PER2: variants seen among roughly 807,000 people sequenced by gnomAD.
The protein encoded by PER2 is period circadian protein homolog 2.
Under a neutral mutation model 121.0 loss-of-function variants are expected in PER2, and 66 were observed. That is an observed-to-expected ratio of 0.55 (90% CI 0.45 to 0.67). The LOEUF is 0.67. Ranked by LOEUF, PER2 falls within the 30% of genes least tolerant of loss-of-function variation. The pLI is 0.00. For missense variants in PER2, 1,521 were observed against 1,635.0 expected, an observed-to-expected ratio of 0.93 and a Z score of 1.20; for synonymous variants, 684 against 659.9, an observed-to-expected ratio of 1.04 and a Z score of -0.56.
At chr2:238,285,630 T>G (rs1696759236) in intron 1 of PER2, among the ~76,000 whole-genome samples, 1 of 151,882 alleles carries the variant, frequency 6.6e-6, no homozygotes, top group Non-Finnish European at 1.5e-5. Flanking sequence ...CCTCATGAGG[T>G]CACAGCTTGA....
intron 6 of PER2, among the ~76,000 whole-genome samples, chr2:238,269,393 G>T (rs11884951): frequency 0.014 from 1,949 of 135,766 alleles, 75 homozygotes; most frequent in African/African-American, 0.053. Context: ...CACTCACGGT[G>T]CACTGCTGCA....
chr2:238,288,777 G>C (rs565712270), upstream of PER2, among the ~76,000 whole-genome samples: 2 of 151,506 alleles, frequency 1.3e-5, no homozygotes, highest in African/African-American at 4.8e-5. Context: ...CGCCGCGGCC[G>C]AGTCGCCGCT....
chr2:238,248,982 A>G, intron 22 of PER2, 80 bp downstream of exon 22: 2 of 1,459,180 alleles, frequency 1.4e-6, no homozygotes, highest in Non-Finnish European at 9.6e-7. Flanking sequence ...AATTGACAGA[A>G]AAGTTGCAAA....
At chr2:238,251,265 G>A (rs1695589258) in intron 20 of PER2, among the ~76,000 whole-genome samples, 1 of 152,226 alleles carries the variant, frequency 6.6e-6, no homozygotes, top group Admixed American at 6.5e-5. Context: ...GCTTGCAGGT[G>A]CTCCATACCC....
intron 21 of PER2, among the ~76,000 whole-genome samples, chr2:238,249,759 G>A (rs1439299767): frequency 1.3e-5 from 2 of 152,244 alleles, no homozygotes; most frequent in Non-Finnish European, 2.9e-5. Context: ...TGGTGATAGT[G>A]AGTTGTAACG....
intron 5 of PER2, among the ~76,000 whole-genome samples, chr2:238,272,113 T>C (rs867812497): frequency 2.0e-5 from 3 of 152,254 alleles, no homozygotes; most frequent in South Asian, 4.1e-4. Flanking sequence ...CTGCGTTTCA[T>C]GTTTCTTTCC....
At chr2:238,266,110 G>A (rs62194937) in intron 8 of PER2, among the ~76,000 whole-genome samples, 42,142 of 151,624 alleles carry the variant, frequency 0.28, 5,997 homozygotes, top group South Asian at 0.32. Flanking sequence ...TCACCGTGTT[G>A]GCCAGGATGG....
chr2:238,260,508 G>T (rs551319099), intron 13 of PER2, among the ~76,000 whole-genome samples: 1 of 152,088 alleles, frequency 6.6e-6, no homozygotes, highest in Admixed American at 6.5e-5. Context: ...CGCCTGCCTC[G>T]GCCTTCCAAA....
chr2:238,245,060 A>AG lies in PER2; in HGVS notation c.*1314_*1315insC, dbSNP rs1695410211. ...CTCCATCTAAAAAAAAAAAAAAAAA[A>AG]AAAAAAAAAAGAAAACCCTGGTCCC... On this transcript the variant is annotated 3_prime_UTR_variant, in exon 23 of 23. Coordinates refer to ENST00000254657, the MANE Select transcript of PER2 (RefSeq NM_022817.3). The AG allele has an allele frequency of 6.6e-6, 1 of 150,872 alleles. No individual in the cohort carries two copies. The highest frequency in any genetic ancestry group is 1.5e-5 in the Non-Finnish European group (1 of 67,850). 9.3% of individuals were successfully genotyped at this position (150,872 alleles called of 1,614,324 possible).
chr2:238,256,169 T>A (rs925518217), intron 17 of PER2, among the ~76,000 whole-genome samples: 1 of 152,254 alleles, frequency 6.6e-6, no homozygotes, highest in African/African-American at 2.4e-5. Flanking sequence ...GTGGGGAACC[T>A]TGGGCTTCAG....
chr2:238,289,392 C>A (rs947138757), upstream of PER2: 2 of 152,230 alleles, frequency 1.3e-5, no homozygotes, highest in Non-Finnish European at 2.9e-5. Flanking sequence ...CCCACCCGGG[C>A]CTCTGAGGTG....
At chr2:238,286,653 A>C (rs1696797940) in intron 1 of PER2, among the ~76,000 whole-genome samples, 1 of 152,202 alleles carries the variant, frequency 6.6e-6, no homozygotes, top group Non-Finnish European at 1.5e-5. Context: ...TCCCTCTGCC[A>C]AACAGAGTAG....
At chr2:238,264,124 C>T (rs539410075) in intron 9 of PER2, among the ~76,000 whole-genome samples, 5 of 152,296 alleles carry the variant, frequency 3.3e-5, no homozygotes, top group African/African-American at 1.2e-4. Context: ...CAGGCTGTGG[C>T]CCATCATGCC....
Position 238,277,903 on chromosome 2 carries a change from T to C in PER2, c.34A>G (p.Ser12Gly), listed in dbSNP as rs766338346. ...TCCACGGGCTCCTTGGTGGGGTTAC[T>C]GGGGCTGGGCGGAAATTCCGCGTAT... The part of the protein sequence containing the change: ...NGYAEFPPSP[S>G]NPTKEPVEPQ... The change falls in exon 2 of 23, where the codon AGT becomes GGT. Residue 12 changes from serine (S) to glycine (G), a missense_variant. Coordinates refer to ENST00000254657, the MANE Select transcript of PER2 (RefSeq NM_022817.3). The C allele has an allele frequency of 2.5e-6, 4 of 1,613,874 alleles. No homozygotes were observed. The East Asian group carries it at 8.9e-5, about 36-fold the overall frequency.
intron 19 of PER2, among the ~76,000 whole-genome samples, 177 bp from the exon 20 acceptor site, chr2:238,251,938 A>G (rs1406054041): frequency 6.6e-6 from 1 of 152,176 alleles, no homozygotes; most frequent in Non-Finnish European, 1.5e-5. Context: ...CACCAGGCCT[A>G]CGGTGCAAAT....
Position 238,268,151 on chromosome 2 carries a change from A to G in PER2, c.872T>C (p.Met291Thr). The G allele has an allele frequency of 6.2e-7, 1 of 1,614,146 alleles. No individual in the cohort carries two copies. Among genetic ancestry groups the G allele is most frequent in the Non-Finnish European group, 8.5e-7 (1 of 1,180,014 alleles). ...CCGCACCTTGACCAGGTAGGGCGTC[A>G]TGCGGAAGGGGTGGTAGCGGATTTC... is the stretch of plus-strand genomic sequence containing the variant. ...ENEIRYHPFR[M>T]TPYLVKVRDQ... The change falls in exon 8 of 23, where the codon ATG becomes ACG. Residue 291 changes from methionine to threonine, a missense_variant. Met to Thr is a moderately conservative substitution (Grantham distance 81, BLOSUM62 -1). Coordinates refer to ENST00000254657, the MANE Select transcript of PER2 (RefSeq NM_022817.3). This position sits in a 1 kb window ranked among gnomAD's most constrained non-coding sequence, Gnocchi z 4.0.
At chr2:238,270,984 T>C (rs1463916135) in intron 6 of PER2, among the ~76,000 whole-genome samples, 1 of 152,222 alleles carries the variant, frequency 6.6e-6, no homozygotes, top group Admixed American at 6.5e-5. Context: ...CAGGGTGCCT[T>C]GCTCACGCTC....
rs1217364681 is a variant in PER2 at position 238,246,125 on chromosome 2, T to C, written c.*250A>G. The stretch of plus-strand genomic sequence containing the variant: ...TTCTCAAGTTAAATAACAACTAAAA[T>C]CTCTTCCCCATCCCACAAAACTCCA... On this transcript the variant is annotated 3_prime_UTR_variant, in exon 23 of 23. Coordinates refer to ENST00000254657, the MANE Select transcript of PER2 (RefSeq NM_022817.3). The C allele has an allele frequency of 1.6e-5, 4 of 252,584 alleles. No individual in the cohort carries two copies. Among genetic ancestry groups the C allele is most frequent in the Non-Finnish European group, 3.0e-5 (4 of 135,112 alleles). 15.6% of individuals were successfully genotyped at this position (252,584 alleles called of 1,614,324 possible). A position where few individuals can be genotyped will look rare whatever the true frequency, so the allele number is the denominator to read the frequency against.
At position 238,260,869 on chromosome 2, in the gene PER2, TGGA is replaced by T. The variant is rs748056475; in HGVS notation, c.1498_1500del (p.Ser501del). ...GAGTCCTCATGGCCGTTGCTGTCGC[TGGA>T]GGAGGTCTGGCTCATAAGGTGCTCG... On this transcript the variant is annotated inframe_deletion, in exon 13 of 23. Coordinates refer to ENST00000254657, the MANE Select transcript of PER2 (RefSeq NM_022817.3). 1.2e-5 allele frequency: 19 copies of T among 1,613,876 alleles called. No individual in the cohort carries two copies. Among genetic ancestry groups the T allele is most frequent in the East Asian group, 4.5e-5 (2 of 44,896 alleles).
Sources: gnomAD v4.1 joint callset for allele counts (sites outside exome capture counted in the v4.1 genomes callset) on GRCh38, gnomAD v4.1.1 for gene constraint, Gnocchi (gnomAD v3.1) non-coding constraint, MANE v1.5 for transcripts, NCBI Gene and HGNC (gene_info 2026-07-23, HGNC 2026-07-21) for gene names.